Variants in GRIK3 observed in about 807,000 individuals in gnomAD.
GRIK3 encodes the protein glutamate receptor ionotropic, kainate 3.
A neutral mutation model predicts 102.5 loss-of-function variants in GRIK3; 29 were observed. The observed-to-expected ratio is 0.28, with a 90% CI of 0.21 to 0.39. The LOEUF (loss-of-function observed/expected upper bound fraction) is 0.39, where lower values mean the gene tolerates loss of function less well. Among genes scored for constraint, GRIK3 ranks in the 10% least tolerant of loss-of-function variants. The pLI is 1.00. For synonymous variants in GRIK3, 511 were observed against 504.9 expected (o/e 1.01, Z -0.16); for missense variants, 908 against 1,252.4 (o/e 0.73, Z 4.15).
At chr1:36,892,286 G>A (rs1488866181) in intron 1 of GRIK3, among the ~76,000 whole-genome samples, 1 of 152,146 alleles carries the variant, frequency 6.6e-6, no homozygotes, top group African/African-American at 2.4e-5. Flanking sequence ...GCCTCCCAAA[G>A]TGCTGGGATT....
intron 9 of GRIK3, among the ~76,000 whole-genome samples, chr1:36,845,909 G>A (rs1467154104): frequency 6.6e-6 from 1 of 152,148 alleles, no homozygotes; most frequent in East Asian, 1.9e-4. Flanking sequence ...GCAGGCAATT[G>A]AGCCTATGTG....
Position 36,809,652 on chromosome 1 carries a change from C to A in GRIK3, c.2092-3326G>T, listed in dbSNP as rs541179252. 3.3e-5 allele frequency among the ~76,000 whole-genome samples: 5 copies of A among 152,334 alleles called. No individual in the cohort carries two copies. In the South Asian group the frequency reaches 1.0e-3, roughly 32 times the overall value. ...CCCAACACTTTATTCCTCCTATATA[C>A]AGGCCTGCCTGACACCAAACCATAT... is the stretch of plus-strand genomic sequence containing the variant. On this transcript the variant is annotated intron_variant, in intron 13 of 15. Transcript: ENST00000373091.
intron 1 of GRIK3, among the ~76,000 whole-genome samples, chr1:36,957,921 C>T (rs113588656): frequency 0.011 from 704 of 64,448 alleles, 48 homozygotes; most frequent in East Asian, 0.019. Flanking sequence ...GCCCCGTGAG[C>T]CTGTGTGCCC....
chr1:36,850,237 G>T lies in GRIK3; in HGVS notation c.1326+74C>A. 1 of 886,702 alleles carries T rather than the reference G, an allele frequency of 1.1e-6. No individual in the cohort carries two copies. The allele number at this position is 886,702 out of a possible 1,614,324, so 54.9% of individuals were successfully genotyped here. On this transcript the variant is annotated intron_variant, in intron 9 of 15. Transcript: ENST00000373091. The surrounding 1 kb of genome is among the most constrained non-coding windows in gnomAD (Gnocchi z 4.0). ...CATCTTCTGGGTGGGGGGGATAGAG[G>T]GGACTCTCCAGCCCGAACGGCCACC... is the stretch of plus-strand genomic sequence containing the variant.
intron 7 of GRIK3, among the ~76,000 whole-genome samples, chr1:36,858,066 T>C (rs1640673834): frequency 6.6e-6 from 1 of 152,208 alleles, no homozygotes; most frequent in South Asian, 2.1e-4. Context: ...TTGTCCTTTC[T>C]ATCCCGAGTC....
intron 1 of GRIK3, among the ~76,000 whole-genome samples, chr1:37,026,673 G>A (rs750714162): frequency 2.6e-5 from 4 of 152,154 alleles, no homozygotes; most frequent in Non-Finnish European, 5.9e-5. Context: ...TCAACCTAAC[G>A]TTAATACTTC....
chr1:36,891,511 AT>A (rs992463390), intron 1 of GRIK3, among the ~76,000 whole-genome samples: 1 of 152,262 alleles, frequency 6.6e-6, no homozygotes, highest in African/African-American at 2.4e-5. Flanking sequence ...AAGAAAAAAA[AT>A]ATAATCAACT....
At position 36,797,640 on chromosome 1, in the gene GRIK3, A is replaced by G. The variant is rs1642382528; in HGVS notation, c.*4211T>C. ...ATAAGTCCATGCAGCTGTTTGTCCA[A>G]ACCTCTAGCCCCTTTGCAGATGGGT... is the stretch of plus-strand genomic sequence containing the variant. On this transcript the variant is annotated 3_prime_UTR_variant, in exon 16 of 16. Transcript: ENST00000373091. 1 of 152,232 alleles carries G rather than the reference A, an allele frequency of 6.6e-6. No individual in the cohort carries two copies. The highest frequency in any genetic ancestry group is 1.5e-5 in the Non-Finnish European group (1 of 68,060). 9.4% of individuals were successfully genotyped at this position (152,232 alleles called of 1,614,324 possible).
rs562272981 is a variant in GRIK3, at chr1:36,884,415, G to A, written c.293-3524C>T. 2.6e-5 allele frequency among the ~76,000 whole-genome samples: 4 copies of A among 152,278 alleles called. 1 individual carries two copies. Among genetic ancestry groups the A allele is most frequent in the African/African-American group, 9.6e-5 (4 of 41,544 alleles). On this transcript the variant is annotated intron_variant, in intron 2 of 15. Transcript: ENST00000373091. ...ACCTGCACCCTCACTGCCCATTCGT[G>A]CTATTCTTCTGCCGTCTGGGGGTGT...
At chr1:36,873,641 GC>G (rs913255466) in intron 3 of GRIK3, among the ~76,000 whole-genome samples, 3 of 149,090 alleles carry the variant, frequency 2.0e-5, no homozygotes, top group African/African-American at 5.0e-5. Context: ...TCCCACCCCT[GC>G]CCCCCCACCA....
chr1:36,990,931 T>C (rs1215705097), intron 1 of GRIK3, among the ~76,000 whole-genome samples: 1 of 152,160 alleles, frequency 6.6e-6, no homozygotes, highest in African/African-American at 2.4e-5. Context: ...GCAATACTTT[T>C]ACCTCCACAG....
chr1:36,800,635 T>C lies in GRIK3; in HGVS notation c.*1216A>G, dbSNP rs1012349619. The C allele has an allele frequency of 1.3e-5, 2 of 152,210 alleles. No homozygotes were observed. Among genetic ancestry groups the C allele is most frequent in the African/African-American group, 4.8e-5 (2 of 41,434 alleles). 9.4% of individuals were successfully genotyped at this position (152,210 alleles called of 1,614,324 possible). A position where few individuals can be genotyped will look rare whatever the true frequency, so the allele number is the denominator to read the frequency against. Reference sequence around the variant, plus strand: ...CCACCCTTGGGGCCTCTGCCAGCTATGATATTATGTCCCTGGAAACTTTCT... The same window carrying C: ...CCACCCTTGGGGCCTCTGCCAGCTACGATATTATGTCCCTGGAAACTTTCT... On this transcript the variant is annotated 3_prime_UTR_variant, in exon 16 of 16. Transcript: ENST00000373091.
At chr1:37,016,895 T>C (rs1218069546) in intron 1 of GRIK3, among the ~76,000 whole-genome samples, 1 of 151,902 alleles carries the variant, frequency 6.6e-6, no homozygotes, top group Admixed American at 6.6e-5. Context: ...AGCAAAGAGG[T>C]TAGTCTTCAG....
At chr1:37,017,393 A>G (rs1228048012) in intron 1 of GRIK3, among the ~76,000 whole-genome samples, 226 of 150,882 alleles carry the variant, frequency 1.5e-3, no homozygotes, top group African/African-American at 5.1e-3. Context: ...AAAAAAAAAA[A>G]AAGAAGAAGA....
chr1:36,903,950 A>T (rs1438207915), intron 1 of GRIK3, among the ~76,000 whole-genome samples: 2 of 152,166 alleles, frequency 1.3e-5, no homozygotes, highest in Non-Finnish European at 2.9e-5. Context: ...AATGAACCTT[A>T]ATGTAAACTA....
intron 1 of GRIK3, among the ~76,000 whole-genome samples, chr1:36,943,353 G>A (rs777810042): frequency 1.3e-5 from 2 of 152,204 alleles, no homozygotes; most frequent in Non-Finnish European, 2.9e-5. Context: ...AGACCAAGGA[G>A]AGAAGGAAGG....
chr1:36,968,325 C>G (rs980000728), intron 1 of GRIK3, among the ~76,000 whole-genome samples: 2 of 150,468 alleles, frequency 1.3e-5, no homozygotes, highest in African/African-American at 4.9e-5. Context: ...CTCCGCCCTT[C>G]CTGTCTTTTC....
At chr1:36,863,737 G>A (rs917895109) in intron 5 of GRIK3, among the ~76,000 whole-genome samples, 1 of 152,160 alleles carries the variant, frequency 6.6e-6, no homozygotes, top group African/African-American at 2.4e-5. Flanking sequence ...ACGCGATTCT[G>A]CTCTTATCCT....
intron 1 of GRIK3, among the ~76,000 whole-genome samples, chr1:37,025,690 C>T (rs1642758422): frequency 6.6e-6 from 1 of 152,212 alleles, no homozygotes; most frequent in African/African-American, 2.4e-5. Flanking sequence ...CTCATCCCTG[C>T]AGTTGTTCTG....
Sources: gnomAD v4.1 joint callset for allele counts (sites outside exome capture counted in the v4.1 genomes callset) on GRCh38, gnomAD v4.1.1 for gene constraint, Gnocchi (gnomAD v3.1) non-coding constraint, MANE v1.5 for transcripts, NCBI Gene and HGNC (gene_info 2026-07-23, HGNC 2026-07-21) for gene names.